The following TXNDC9 variants were observed in gnomAD, a reference collection of about 807,000 sequenced individuals.
The protein encoded by TXNDC9 is thioredoxin domain containing 9.
In TXNDC9, 7 loss-of-function variants were observed where a neutral mutation model predicts 23.0. The observed-to-expected ratio is 0.30, with a 90% CI of 0.17 to 0.57. TXNDC9 has a LOEUF of 0.57. Among genes scored for constraint, TXNDC9 ranks in the 20% least tolerant of loss-of-function variants. TXNDC9 has a pLI of 0.90. For missense variants in TXNDC9, 198 were observed against 252.6 expected (o/e 0.78, Z 1.47); for synonymous variants, 72 against 90.6 (o/e 0.79, Z 1.17).
the TXNDC9 span, among the ~76,000 whole-genome samples, chr2:99,309,950 G>A: frequency 3.9e-5 from 6 of 152,146 alleles, no homozygotes; most frequent in Non-Finnish European, 5.9e-5. Flanking sequence ...CTCCTAAAGC[G>A]CTGGGATTAC....
downstream of TXNDC9, among the ~76,000 whole-genome samples, chr2:99,315,356 C>T (rs113739696): frequency 6.6e-5 from 10 of 152,090 alleles, no homozygotes; most frequent in African/African-American, 1.9e-4. Context: ...TGAGCCACCG[C>T]GCCCGGCCCC....
the TXNDC9 span, among the ~76,000 whole-genome samples, chr2:99,313,298 G>A: frequency 2.0e-5 from 3 of 152,058 alleles, no homozygotes; most frequent in Non-Finnish European, 1.5e-5. Context: ...TTGAGCTCTC[G>A]GCCTCAAGTA....
the TXNDC9 span, among the ~76,000 whole-genome samples, chr2:99,307,017 T>TCCCCCCCCCC: frequency 8.6e-6 from 1 of 116,544 alleles, no homozygotes. Flanking sequence ...CTCCCTCCCT[T>TCCCCCCCCCC]CCTTCCTTCC....
chr2:99,328,904 G>A (rs1258966357), intron 2 of TXNDC9, among the ~76,000 whole-genome samples: 2 of 152,100 alleles, frequency 1.3e-5, no homozygotes, highest in Non-Finnish European at 2.9e-5. Context: ...CAGGAGAATT[G>A]CTTGAACCCA....
chr2:99,322,325 G>T, intron 3 of TXNDC9, 116 bp from the exon 4 acceptor site: 1 of 1,394,998 alleles, frequency 7.2e-7, no homozygotes, highest in Non-Finnish European at 9.5e-7. Flanking sequence ...CTCATAACAT[G>T]GCAGCCAACT....
At chr2:99,306,399 A>C in the TXNDC9 span, among the ~76,000 whole-genome samples, 1 of 152,212 alleles carries the variant, frequency 6.6e-6, no homozygotes, top group Non-Finnish European at 1.5e-5. Context: ...TTTCTGAGAC[A>C]CAGCCCCTGT....
chr2:99,319,864 A>C, intron 4 of TXNDC9, 65 bp from the exon 5 acceptor site: 1 of 983,480 alleles, frequency 1.0e-6, no homozygotes, highest in Non-Finnish European at 1.5e-6. Context: ...ACTGCACAAA[A>C]ATCTATCTTT....
chr2:99,306,503 G>T, the TXNDC9 span, among the ~76,000 whole-genome samples: 2 of 151,898 alleles, frequency 1.3e-5, no homozygotes, highest in African/African-American at 4.8e-5. Context: ...GCTTAGTTGA[G>T]CTGGGGCACA....
chr2:99,333,005 C>T lies in TXNDC9; in HGVS notation c.189+17G>A. ...ATACTGTTATAGCAATTTCAGAAAG[C>T]AGGGCAGAGAGGTTACTTGTTTCTG... On this transcript the variant is annotated intron_variant, in intron 2 of 4. Coordinates refer to ENST00000264255, the MANE Select transcript of TXNDC9 (RefSeq NM_005783.4). 2.5e-6 allele frequency: 4 copies of T among 1,599,356 alleles called. No individual in the cohort carries two copies. The highest frequency in any genetic ancestry group is 2.6e-6 in the Non-Finnish European group (3 of 1,167,732).
chr2:99,319,634 A>G lies in TXNDC9; in HGVS notation c.*48T>C. On this transcript the variant is annotated 3_prime_UTR_variant, in exon 5 of 5. Coordinates refer to ENST00000264255, the MANE Select transcript of TXNDC9 (RefSeq NM_005783.4). Reference sequence around the variant, plus strand: ...TTAATAGAATTTTAAAAACACATTTAAATCTGAAGCAGAAAAAAAAAGACA... The same window carrying G: ...TTAATAGAATTTTAAAAACACATTTGAATCTGAAGCAGAAAAAAAAAGACA... 7.3e-7 allele frequency: 1 copy of G among 1,374,982 alleles called. No homozygotes were observed. The highest frequency in any genetic ancestry group is 1.0e-6 in the Non-Finnish European group (1 of 986,236). 85.2% of individuals were successfully genotyped at this position (1,374,982 alleles called of 1,614,324 possible).
At chr2:99,308,797 C>T in the TXNDC9 span, among the ~76,000 whole-genome samples, 47 of 152,022 alleles carry the variant, frequency 3.1e-4, no homozygotes, top group Non-Finnish European at 4.3e-4. Flanking sequence ...CTGCAAGCTC[C>T]GCCTCCCGGG....
chr2:99,324,137 C>T (rs2094208535), intron 3 of TXNDC9, among the ~76,000 whole-genome samples: 1 of 152,220 alleles, frequency 6.6e-6, no homozygotes, highest in South Asian at 2.1e-4. Flanking sequence ...TGAGCTACCA[C>T]ACCCAGCCTG....
chr2:99,327,629 C>T lies in TXNDC9; in HGVS notation c.214G>A (p.Glu72Lys). 1.2e-6 allele frequency: 2 copies of T among 1,613,086 alleles called. No homozygotes were observed. Among genetic ancestry groups the T allele is most frequent in the Non-Finnish European group, 1.7e-6 (2 of 1,179,420 alleles). Residue 72 changes from glutamate to lysine, a missense_variant, in exon 3 of 5, where the codon GAA (glutamate) becomes AAA (lysine). Coordinates refer to ENST00000264255, the MANE Select transcript of TXNDC9 (RefSeq NM_005783.4). ...KQEWLSKGHG[E>K]YREIPSERDF... ...CTTTCACTAGGGATTTCTCTGTATT[C>T]CCCATGTCCTTTAGAAAGCCATTCC... is the stretch of plus-strand genomic sequence containing the variant.
chr2:99,311,808 A>T, the TXNDC9 span, among the ~76,000 whole-genome samples: 127 of 152,384 alleles, frequency 8.3e-4, no homozygotes, highest in South Asian at 1.2e-3. Flanking sequence ...GTTGCTATGC[A>T]ATTTAAAACT....
chr2:99,326,773 G>A (rs1449024539), intron 3 of TXNDC9, among the ~76,000 whole-genome samples: 1 of 152,170 alleles, frequency 6.6e-6, no homozygotes, highest in Non-Finnish European at 1.5e-5. Flanking sequence ...GTTTGGCCAA[G>A]CCACCATCTC....
At position 99,319,531 on chromosome 2, in the gene TXNDC9, C is replaced by G; in HGVS notation, c.*151G>C. 1.8e-6 allele frequency: 1 copy of G among 556,820 alleles called. No individual in the cohort carries two copies. Among genetic ancestry groups the G allele is most frequent in the African/African-American group, 2.0e-5 (1 of 50,504 alleles). The allele number at this position is 556,820 out of a possible 1,614,324, so 34.5% of individuals were successfully genotyped here. A position where few individuals can be genotyped will look rare whatever the true frequency, so the allele number is the denominator to read the frequency against. On this transcript the variant is annotated 3_prime_UTR_variant, in exon 5 of 5. Coordinates refer to ENST00000264255, the MANE Select transcript of TXNDC9 (RefSeq NM_005783.4). ...TTAAACATGATGGCCACACAGAAAACAGTAAAGACACTTTTCGATGTGATA... is the reference window on the plus strand; with the variant it reads ...TTAAACATGATGGCCACACAGAAAAGAGTAAAGACACTTTTCGATGTGATA...
chr2:99,306,567 A>C, the TXNDC9 span, among the ~76,000 whole-genome samples: 711 of 152,270 alleles, frequency 4.7e-3, 5 homozygotes, highest in African/African-American at 0.017. Flanking sequence ...CACCCTTTCC[A>C]CAACTTGGGA....
chr2:99,314,461 A>C (rs2094183950), downstream of TXNDC9, among the ~76,000 whole-genome samples: 1 of 150,614 alleles, frequency 6.6e-6, no homozygotes, highest in Non-Finnish European at 1.5e-5. Flanking sequence ...GTTAGGTATT[A>C]TACATAATCT....
At chr2:99,311,687 G>A in the TXNDC9 span, among the ~76,000 whole-genome samples, 1 of 152,190 alleles carries the variant, frequency 6.6e-6, no homozygotes, top group East Asian at 1.9e-4. Context: ...GGCTGGTCTC[G>A]AACTCCTGGC....
Sources: gnomAD v4.1 joint callset for allele counts (sites outside exome capture counted in the v4.1 genomes callset) on GRCh38, gnomAD v4.1.1 for gene constraint, MANE v1.5 for transcripts, NCBI Gene and HGNC (gene_info 2026-07-23, HGNC 2026-07-21) for gene names.